IST1: variants seen among roughly 807,000 people sequenced by gnomAD.
IST1 encodes the protein IST1 factor associated with ESCRT-III, also known as IST1 homolog.
A neutral mutation model predicts 37.0 loss-of-function variants in IST1; 23 were observed. That is an observed-to-expected ratio of 0.62 (90% CI 0.45 to 0.88). The LOEUF is 0.88. IST1 is among the 40% of genes least tolerant of loss of function. The probability of loss-of-function intolerance (pLI) is 0.00; values close to 1 mark genes in which losing one functional copy is unlikely to be tolerated. For synonymous variants in IST1, 180 were observed against 161.7 expected, an observed-to-expected ratio of 1.11 and a Z score of -0.86; for missense variants, 488 against 445.4, an observed-to-expected ratio of 1.10 and a Z score of -0.86.
In IST1 at chr16:71,921,377, A is replaced by C. The variant is rs762622363; in HGVS notation, c.476A>C (p.Lys159Thr). ...MHKLSVEAPP[K>T]ILVERYLIEI... ...AAGCTGAGTGTGGAAGCCCCACCCA[A>C]AATCCTGGTGGAGAGATACCTGATT... is the stretch of plus-strand genomic sequence containing the variant. Residue 159 changes from lysine (K) to threonine (T), a missense_variant, in exon 6 of 10, where the codon AAA becomes ACA. Coordinates refer to ENST00000378799, the MANE Select transcript of IST1 (RefSeq NM_001270975.2). The C allele has an allele frequency of 1.2e-6, 2 of 1,613,486 alleles. No homozygotes were observed. The highest frequency in any genetic ancestry group is 1.3e-5 in the African/African-American group (1 of 75,030).
rs1555510840 is a variant in IST1 at position 71,922,617 on chromosome 16, GC to G, written c.699del (p.Met234CysfsTer52). On this transcript the variant is annotated frameshift_variant, in exon 7 of 10. Coordinates refer to ENST00000378799, the MANE Select transcript of IST1 (RefSeq NM_001270975.2). LOFTEE classifies it high-confidence loss of function. ...GPDGTVPMPM[P>X]MPMPMPSANT... ...CTGATGGAACGGTGCCAATGCCCAT[GC>G]CCATGCCCATGCCTATGCCATCTGC... 6.2e-7 allele frequency: 1 copy of G among 1,611,882 alleles called. No homozygotes were observed. The highest frequency in any genetic ancestry group is 2.2e-5 in the East Asian group (1 of 44,846).
upstream of IST1, chr16:71,895,079 AC>A: frequency 2.4e-6 from 1 of 411,532 alleles, no homozygotes; most frequent in African/African-American, 2.1e-5. Context: ...AGGCTTCGAA[AC>A]CCCCTCGGCC....
At chr16:71,909,729 G>A (rs1376085595) in intron 1 of IST1, among the ~76,000 whole-genome samples, 1 of 152,168 alleles carries the variant, frequency 6.6e-6, no homozygotes. Context: ...ATACAAAATA[G>A]TAAATGAAAA....
intron 4 of IST1, among the ~76,000 whole-genome samples, chr16:71,917,972 A>G (rs2037501957): frequency 6.6e-6 from 1 of 152,198 alleles, no homozygotes; most frequent in African/African-American, 2.4e-5. Context: ...CTGTCGGTTT[A>G]CATTTAAGAG....
rs572120422 is a variant in IST1 at position 71,906,303 on chromosome 16, T to TTTTTG, written c.-15-9308_-15-9304dup. 3.3e-3 allele frequency among the ~76,000 whole-genome samples: 498 copies of TTTTTG among 150,650 alleles called. 1 individual carries two copies. The highest frequency in any genetic ancestry group is 0.011 in the Middle Eastern group (3 of 282). On this transcript the variant is annotated intron_variant, in intron 1 of 9. Transcript: ENST00000378799. ...GAGGTGCGAGCCACTGCGCCCGGCC[T>TTTTTG]TTTTGTTTTGTTTTGTTTTTTGAGA...
intron 9 of IST1, among the ~76,000 whole-genome samples, chr16:71,925,518 G>A (rs969127906): frequency 4.0e-5 from 6 of 151,416 alleles, no homozygotes; most frequent in Admixed American, 1.3e-4. Flanking sequence ...GTTTCACCAC[G>A]TTGGTCAGGC....
rs2037836714 is a variant in IST1 at position 71,929,408 on chromosome 16, G to A, written c.*1595G>A. Reference sequence around the variant, plus strand: ...ACAGTGCCAAGATCCATAAGAACTTGGGACCAAGGGGATTTTGATTCCTAA... The same window carrying A: ...ACAGTGCCAAGATCCATAAGAACTTAGGACCAAGGGGATTTTGATTCCTAA... On this transcript the variant is annotated 3_prime_UTR_variant, in exon 10 of 10. Coordinates refer to ENST00000378799, the MANE Select transcript of IST1 (RefSeq NM_001270975.2). 1 of 920,062 alleles carries A rather than the reference G, an allele frequency of 1.1e-6. No homozygotes were observed. The highest frequency in any genetic ancestry group is 2.8e-5 in the East Asian group (1 of 36,350). 57.0% of individuals were successfully genotyped at this position (920,062 alleles called of 1,614,324 possible). A position where few individuals can be genotyped will look rare whatever the true frequency, so the allele number is the denominator to read the frequency against.
Position 71,895,590 on chromosome 16 carries a change from G to A in IST1, c.-16+1G>A, listed in dbSNP as rs1398951383. The stretch of plus-strand genomic sequence containing the variant: ...TGCGTTCACGGCAGGATTCGGTTAG[G>A]TGAGTGTGGCATCCTCGGCGTCAGA... On this transcript the variant is annotated splice_donor_variant, in intron 1 of 9. Coordinates refer to ENST00000378799, the MANE Select transcript of IST1 (RefSeq NM_001270975.2). LOFTEE classifies it low-confidence loss of function (5UTR_SPLICE). The A allele has an allele frequency of 2.0e-6, 2 of 983,376 alleles. No homozygotes were observed. Among genetic ancestry groups the A allele is most frequent in the African/African-American group, 1.7e-5 (1 of 57,194 alleles). The allele number at this position is 983,376 out of a possible 1,614,324, so 60.9% of individuals were successfully genotyped here.
At chr16:71,901,373 C>T (rs1254548579) in intron 1 of IST1, among the ~76,000 whole-genome samples, 1 of 152,106 alleles carries the variant, frequency 6.6e-6, no homozygotes, top group Non-Finnish European at 1.5e-5. Context: ...ATCACCACAC[C>T]CAGCTAATTT....
At chr16:71,914,723 A>G (rs755211764) in intron 1 of IST1, among the ~76,000 whole-genome samples, 1 of 152,186 alleles carries the variant, frequency 6.6e-6, no homozygotes, top group Non-Finnish European at 1.5e-5. Context: ...GACAAGTACT[A>G]TTCCTACTGC....
chr16:71,920,966 T>C (rs2037566442), intron 5 of IST1, 144 bp downstream of exon 5: 2 of 709,436 alleles, frequency 2.8e-6, no homozygotes, highest in Admixed American at 2.0e-5. Context: ...GCTGTGTGGC[T>C]GGCAGTGTGG....
intron 4 of IST1, among the ~76,000 whole-genome samples, chr16:71,918,259 G>A (rs1466116877): frequency 6.6e-6 from 1 of 152,130 alleles, no homozygotes; most frequent in African/African-American, 2.4e-5. Context: ...TTCTTCTGTT[G>A]TAAGTATCAC....
intron 1 of IST1, among the ~76,000 whole-genome samples, chr16:71,902,956 G>C (rs969541815): frequency 8.6e-5 from 13 of 151,464 alleles, no homozygotes; most frequent in Non-Finnish European, 1.5e-5. Context: ...TCTTTTTCTG[G>C]TTCCTTAATG....
At chr16:71,900,282 C>T (rs993209275) in intron 1 of IST1, among the ~76,000 whole-genome samples, 8 of 149,190 alleles carry the variant, frequency 5.4e-5, no homozygotes, top group East Asian at 2.0e-4. Context: ...CTCCTCACTT[C>T]GTACTTTTAG....
intron 1 of IST1, among the ~76,000 whole-genome samples, chr16:71,897,664 G>T (rs999720607): frequency 6.6e-6 from 1 of 152,228 alleles, no homozygotes; most frequent in African/African-American, 2.4e-5. Flanking sequence ...ATTGAGTGGA[G>T]GCCGGGCACG....
chr16:71,911,589 T>C (rs1295067853), intron 1 of IST1, among the ~76,000 whole-genome samples: 2 of 152,116 alleles, frequency 1.3e-5, no homozygotes, highest in Admixed American at 1.3e-4. Context: ...TCCCATAAAA[T>C]AGATGTGTCT....
intron 9 of IST1, among the ~76,000 whole-genome samples, chr16:71,926,762 T>G (rs2037754810): frequency 6.6e-6 from 1 of 152,078 alleles, no homozygotes; most frequent in Non-Finnish European, 1.5e-5. Flanking sequence ...CCCTCCAGAG[T>G]CAGAGCACTA....
Position 71,929,415 on chromosome 16 carries a change from A to G in IST1, c.*1602A>G. The G allele has an allele frequency of 1.0e-6, 1 of 993,514 alleles. No homozygotes were observed. The highest frequency in any genetic ancestry group is 1.4e-6 in the Non-Finnish European group (1 of 700,990). The allele number at this position is 993,514 out of a possible 1,614,324, so 61.5% of individuals were successfully genotyped here. A position where few individuals can be genotyped will look rare whatever the true frequency, so the allele number is the denominator to read the frequency against. On this transcript the variant is annotated 3_prime_UTR_variant, in exon 10 of 10. Transcript: ENST00000378799. ...CAAGATCCATAAGAACTTGGGACCAAGGGGATTTTGATTCCTAACTTACAG... is the reference window on the plus strand; with the variant it reads ...CAAGATCCATAAGAACTTGGGACCAGGGGGATTTTGATTCCTAACTTACAG...
chr16:71,917,942 A>C (rs4788579), intron 4 of IST1, among the ~76,000 whole-genome samples: 79,112 of 152,034 alleles, frequency 0.52, 21,370 homozygotes, highest in East Asian at 0.92. Context: ...GAGGCTTTCC[A>C]AAGATTTAGT....
Sources: allele counts gnomAD v4.1 joint callset (sites outside exome capture counted in the v4.1 genomes callset), GRCh38; gene constraint gnomAD v4.1.1; transcripts MANE v1.5; gene names NCBI Gene and HGNC (gene_info 2026-07-23, HGNC 2026-07-21).